The following SPAG16 variants were observed in gnomAD, a reference collection of about 807,000 sequenced individuals.
SPAG16 encodes sperm associated antigen 16.
SPAG16 carries 86 observed loss-of-function variants against 80.4 expected under a neutral mutation model. The ratio of observed to expected loss-of-function variants is 1.07; its 90% CI spans 0.90 to 1.28. The LOEUF (loss-of-function observed/expected upper bound fraction) is 1.28, where lower values mean the gene tolerates loss of function less well. Among genes scored for constraint, SPAG16 ranks in the 50% most tolerant of loss-of-function variants. SPAG16 has a pLI of 0.00. For missense variants in SPAG16, 870 were observed against 765.3 expected (o/e 1.14, Z -1.61); for synonymous variants, 294 against 265.9 (o/e 1.11, Z -1.03).
At chr2:213,287,239 C>T (rs1302427011) in intron 1 of SPAG16, among the ~76,000 whole-genome samples, 1 of 152,158 alleles carries the variant, frequency 6.6e-6, no homozygotes, top group Non-Finnish European at 1.5e-5. Flanking sequence ...AAGTAGGTAT[C>T]TCCAGAACCT....
intron 10 of SPAG16, among the ~76,000 whole-genome samples, chr2:213,664,833 A>C (rs866546420): frequency 4.9e-5 from 6 of 122,320 alleles, no homozygotes; most frequent in African/African-American, 2.2e-4. Context: ...ATGCATATAT[A>C]TACATATATA....
chr2:214,141,473 A>AG (rs34239165), intron 14 of SPAG16, among the ~76,000 whole-genome samples: 1 of 151,854 alleles, frequency 6.6e-6, no homozygotes, highest in East Asian at 1.9e-4. Context: ...CCTCAAAAAA[A>AG]AAAAAACCAA....
At chr2:213,579,342 T>A (rs1021293310) in intron 10 of SPAG16, among the ~76,000 whole-genome samples, 1 of 152,162 alleles carries the variant, frequency 6.6e-6, no homozygotes, top group Non-Finnish European at 1.5e-5. Flanking sequence ...GTTGCCCAGA[T>A]AGGGTGTGTG....
intron 15 of SPAG16, among the ~76,000 whole-genome samples, chr2:214,256,575 C>T (rs984063447): frequency 2.3e-4 from 20 of 86,222 alleles, no homozygotes; most frequent in Non-Finnish European, 4.6e-4. Context: ...TAAATCTGGG[C>T]GAGAGTTTTT....
At chr2:214,102,897 G>A (rs1027911357) in intron 13 of SPAG16, among the ~76,000 whole-genome samples, 3 of 152,092 alleles carry the variant, frequency 2.0e-5, no homozygotes, top group Non-Finnish European at 4.4e-5. Context: ...AAGGATCAAG[G>A]GAGAAAAGGG....
chr2:213,414,418 C>A (rs1217947401), intron 9 of SPAG16, among the ~76,000 whole-genome samples: 1 of 151,872 alleles, frequency 6.6e-6, no homozygotes, highest in Non-Finnish European at 1.5e-5. Context: ...AATCTCTGTT[C>A]TTTATTAAAA....
Position 213,571,903 on chromosome 2 carries a change from A to C in SPAG16, c.1070+81813A>C, listed in dbSNP as rs1448388723. 1.4e-5 allele frequency among the ~76,000 whole-genome samples: 2 copies of C among 138,892 alleles called. 1 individual carries two copies. The highest frequency in any genetic ancestry group is 6.3e-5 in the African/African-American group (2 of 31,524). The allele number at this position is 138,892 out of a possible 152,430, so 91.1% of individuals were successfully genotyped here. On this transcript the variant is annotated intron_variant, in intron 10 of 15. Transcript: ENST00000331683. ...TCAGACATAGATTTGGTCTTTTCAC[A>C]TAGTCCCATAGTTCTTGGAGGCTTT...
intron 14 of SPAG16, among the ~76,000 whole-genome samples, chr2:214,108,973 G>A (rs2053537324): frequency 1.3e-5 from 2 of 152,138 alleles, no homozygotes; most frequent in South Asian, 4.1e-4. Flanking sequence ...TGGAGGTGGA[G>A]CCTTATAGGA....
chr2:213,739,613 T>A (rs112602515), intron 10 of SPAG16, among the ~76,000 whole-genome samples: 3,686 of 152,338 alleles, frequency 0.024, 152 homozygotes, highest in African/African-American at 0.083. Context: ...TTCTTTTTTT[T>A]CCTCCTGAGA....
At chr2:214,302,373 T>C (rs1694615148) in intron 15 of SPAG16, among the ~76,000 whole-genome samples, 1 of 152,246 alleles carries the variant, frequency 6.6e-6, no homozygotes, top group Admixed American at 6.5e-5. Flanking sequence ...ATGTAATGAC[T>C]GGTGATAGTG....
intron 10 of SPAG16, among the ~76,000 whole-genome samples, chr2:213,749,083 G>A (rs749196919): frequency 1.3e-5 from 2 of 152,050 alleles, no homozygotes; most frequent in Non-Finnish European, 2.9e-5. Flanking sequence ...GGAGGCGGAG[G>A]TTGCAGTGAG....
Position 214,410,207 on chromosome 2 carries a change from T to G in SPAG16, c.1788T>G (p.Ile596Met). Residue 596 changes from isoleucine (I) to methionine (M), a missense_variant, in exon 16 of 16, where the codon ATT becomes ATG. Transcript: ENST00000331683. ...TGCTAGATCTTAAATCTGGGGAGAT[T>G]CACAAATTGATGGGCCACGAAAACG... ...IHLLDLKSGE[I>M]HKLMGHENEA... 6.2e-7 allele frequency: 1 copy of G among 1,613,776 alleles called. No individual in the cohort carries two copies.
intron 10 of SPAG16, among the ~76,000 whole-genome samples, chr2:213,669,334 C>T (rs2063731353): frequency 6.6e-6 from 1 of 152,180 alleles, no homozygotes; most frequent in Non-Finnish European, 1.5e-5. Context: ...AAACATTCTG[C>T]TTTTGTCATG....
At chr2:213,917,271 G>A (rs2106193288) in intron 11 of SPAG16, among the ~76,000 whole-genome samples, 1 of 152,056 alleles carries the variant, frequency 6.6e-6, no homozygotes, top group South Asian at 2.1e-4. Flanking sequence ...TCTTTTTTTG[G>A]TTCTATAGGA....
chr2:214,045,605 T>A (rs948907614), intron 13 of SPAG16, among the ~76,000 whole-genome samples: 1 of 152,310 alleles, frequency 6.6e-6, no homozygotes, highest in South Asian at 2.1e-4. Context: ...TTCTTGGGAA[T>A]GATCAATGAG....
intron 15 of SPAG16, among the ~76,000 whole-genome samples, chr2:214,259,815 A>C (rs1165778561): frequency 6.6e-6 from 1 of 152,148 alleles, no homozygotes; most frequent in Non-Finnish European, 1.5e-5. Flanking sequence ...TTGTCTTCTA[A>C]GTGAACTCCT....
chr2:213,302,681 C>T (rs1358661690), intron 3 of SPAG16: 1 of 131,936 alleles, frequency 7.6e-6, no homozygotes, highest in African/African-American at 2.6e-5. Context: ...TGCAGAAGAA[C>T]TATAAATTGA....
intron 10 of SPAG16, among the ~76,000 whole-genome samples, chr2:213,777,912 T>G (rs1279409165): frequency 6.6e-6 from 1 of 152,168 alleles, no homozygotes; most frequent in Non-Finnish European, 1.5e-5. Flanking sequence ...GGCAATCCAA[T>G]TATACTCTAA....
intron 10 of SPAG16, among the ~76,000 whole-genome samples, chr2:213,805,377 G>A (rs924591482): frequency 1.3e-5 from 2 of 152,176 alleles, no homozygotes; most frequent in Admixed American, 6.5e-5. Context: ...AGAATACTAG[G>A]TATGTCTACC....
Sources: gnomAD v4.1 joint callset for allele counts (sites outside exome capture counted in the v4.1 genomes callset) on GRCh38, gnomAD v4.1.1 for gene constraint, MANE v1.5 for transcripts, NCBI Gene and HGNC (gene_info 2026-07-23, HGNC 2026-07-21) for gene names.